SLC17A4: variants seen among roughly 807,000 people sequenced by gnomAD.
SLC17A4 encodes probable small intestine urate exporter.
SLC17A4 carries 33 observed loss-of-function variants against 52.5 expected under a neutral mutation model. That is an observed-to-expected ratio of 0.63 (90% CI 0.48 to 0.84). The LOEUF (loss-of-function observed/expected upper bound fraction) is 0.84. Among genes scored for constraint, SLC17A4 ranks in the 40% least tolerant of loss-of-function variants. The pLI, the probability that SLC17A4 is intolerant of heterozygous loss-of-function variation, is 0.00. For missense variants in SLC17A4, 585 were observed against 597.1 expected (o/e 0.98, Z 0.21); for synonymous variants, 225 against 216.2 (o/e 1.04, Z -0.36).
Position 25,770,370 on chromosome 6 carries a change from A to C in SLC17A4, c.532-14A>C. 1 of 1,614,000 alleles carries C rather than the reference A, an allele frequency of 6.2e-7. No individual in the cohort carries two copies. The highest frequency in any genetic ancestry group is 1.1e-5 in the South Asian group (1 of 91,068). On this transcript the variant is annotated splice_polypyrimidine_tract_variant and intron_variant, in intron 4 of 11. Coordinates refer to ENST00000377905, the MANE Select transcript of SLC17A4 (RefSeq NM_005495.3). Reference sequence around the variant, plus strand: ...ATGACCTCAGATCTCCAAGAATGGAATTTTTCCCCCCAGGTTATGGTATTA... The same window carrying C: ...ATGACCTCAGATCTCCAAGAATGGACTTTTTCCCCCCAGGTTATGGTATTA...
intron 6 of SLC17A4, 147 bp from the exon 7 acceptor site, chr6:25,773,128 C>A (rs1762615824): frequency 5.7e-6 from 4 of 697,688 alleles, no homozygotes; most frequent in Non-Finnish European, 1.0e-5. Context: ...AAGTACCCTC[C>A]CCCATGATAG....
At chr6:25,768,377 A>G in intron 2 of SLC17A4, 2 of 986,988 alleles carry the variant, frequency 2.0e-6, no homozygotes, top group Non-Finnish European at 2.4e-6. Flanking sequence ...AAACTAATGT[A>G]TATGGACTCA....
At chr6:25,760,970 A>G (rs73401761) in intron 1 of SLC17A4, among the ~76,000 whole-genome samples, 2,806 of 152,242 alleles carry the variant, frequency 0.018, 98 homozygotes, top group African/African-American at 0.062. Flanking sequence ...CTTGTTTTGG[A>G]TGGATCACTT....
chr6:25,771,701 A>G (rs10946796), intron 6 of SLC17A4, among the ~76,000 whole-genome samples: 3,157 of 152,300 alleles, frequency 0.021, 70 homozygotes, highest in African/African-American at 0.056. Flanking sequence ...TTTTGCACCA[A>G]TCTAATATCA....
In SLC17A4 at chr6:25,778,029, G is replaced by A. The variant is rs1287638630; in HGVS notation, c.1359+13G>A. Reference sequence around the variant, plus strand: ...TTTCATCAGTCAGGTGAGGTCAAATGTTCTGATGAATATTCATAAAAGAAA... The same window carrying A: ...TTTCATCAGTCAGGTGAGGTCAAATATTCTGATGAATATTCATAAAAGAAA... On this transcript the variant is annotated intron_variant, in intron 11 of 11. Coordinates refer to ENST00000377905, the MANE Select transcript of SLC17A4 (RefSeq NM_005495.3). 1.4e-6 allele frequency: 2 copies of A among 1,473,270 alleles called. No individual in the cohort carries two copies. The highest frequency in any genetic ancestry group is 1.8e-5 in the Admixed American group (1 of 55,952). 91.3% of individuals were successfully genotyped at this position (1,473,270 alleles called of 1,614,324 possible).
chr6:25,760,216 T>A lies in SLC17A4; in HGVS notation c.-36-1711T>A, dbSNP rs576635823. 3.9e-4 allele frequency among the ~76,000 whole-genome samples: 60 copies of A among 152,350 alleles called. 2 individuals carry two copies. The East Asian group carries it at 0.011, about 29-fold the overall frequency. On this transcript the variant is annotated intron_variant, in intron 1 of 11. Transcript: ENST00000377905. ...GCAAAGCGAAGCACATTTTCCCATG[T>A]TTGTTCTTAATCTATATTCATATAT... is the stretch of plus-strand genomic sequence containing the variant.
Position 25,773,387 on chromosome 6 carries a change from T to C in SLC17A4, c.819T>C (p.Ala273=). The C allele has an allele frequency of 2.5e-6, 4 of 1,613,740 alleles. No homozygotes were observed. The highest frequency in any genetic ancestry group is 3.4e-6 in the Non-Finnish European group (4 of 1,179,712). ...GEKRYIVCSL[A]QQDCSPGWSL... is the part of the protein sequence containing the mutation. Reference sequence around the variant, plus strand: ...AGAGATACATTGTGTGTTCATTGGCTCAGCAGGTACATTGAGGAACTCCTC... The same window carrying C: ...AGAGATACATTGTGTGTTCATTGGCCCAGCAGGTACATTGAGGAACTCCTC... Residue 273 remains alanine (A), a synonymous_variant, in exon 7 of 12, where the codon GCT becomes GCC. Transcript: ENST00000377905.
intron 2 of SLC17A4, among the ~76,000 whole-genome samples, chr6:25,766,013 T>C (rs137904985): frequency 8.3e-4 from 126 of 151,874 alleles, no homozygotes; most frequent in African/African-American, 3.0e-3. Context: ...AAATGTATAA[T>C]ATGCTAATTA....
intron 2 of SLC17A4, among the ~76,000 whole-genome samples, chr6:25,767,892 G>T (rs996468320): frequency 2.0e-5 from 3 of 152,122 alleles, no homozygotes; most frequent in African/African-American, 7.2e-5. Context: ...GGGAAAAGCT[G>T]ATGAATATGA....
At chr6:25,770,570 C>A in intron 5 of SLC17A4, 99 bp downstream of exon 5, 1 of 1,074,240 alleles carries the variant, frequency 9.3e-7, no homozygotes, top group Non-Finnish European at 1.4e-6. Flanking sequence ...ATCTCTGTGT[C>A]TTCATAGTCC....
chr6:25,775,055 T>TGTG (rs1762785962), intron 8 of SLC17A4, among the ~76,000 whole-genome samples: 1 of 152,044 alleles, frequency 6.6e-6, no homozygotes, highest in Admixed American at 6.6e-5. Flanking sequence ...GTGGGTCAGG[T>TGTG]GTGGTGGCTC....
At position 25,773,287 on chromosome 6, in the gene SLC17A4, G is replaced by A; in HGVS notation, c.719G>A (p.Cys240Tyr). 6.2e-7 allele frequency: 1 copy of A among 1,613,760 alleles called. No individual in the cohort carries two copies. The highest frequency in any genetic ancestry group is 8.5e-7 in the Non-Finnish European group (1 of 1,179,682). Residue 240 changes from cysteine to tyrosine, a missense_variant, in exon 7 of 12, where the codon TGT becomes TAT. Physicochemically the swap from Cys to Tyr is radical, Grantham distance 194. Transcript: ENST00000377905. ...YVFYIFGGIG[C>Y]ACCPLWFPLI... ...CCCCTTTTCCTAGGAGGAATTGGCT[G>A]TGCTTGTTGTCCTCTCTGGTTTCCT...
At chr6:25,769,247 G>A (rs1428808785) in intron 3 of SLC17A4, 57 bp downstream of exon 3, 8 of 1,472,090 alleles carry the variant, frequency 5.4e-6, no homozygotes, top group East Asian at 4.6e-5. Context: ...GACTTAAAGA[G>A]TTATAAAAGA....
At chr6:25,764,441 TA>T (rs1402249907) in intron 2 of SLC17A4, among the ~76,000 whole-genome samples, 1 of 152,150 alleles carries the variant, frequency 6.6e-6, no homozygotes, top group Non-Finnish European at 1.5e-5. Flanking sequence ...TGGAAATGAA[TA>T]AAACAAGCAC....
chr6:25,775,147 T>C (rs1284831867), intron 8 of SLC17A4, among the ~76,000 whole-genome samples: 1 of 152,018 alleles, frequency 6.6e-6, no homozygotes, highest in Non-Finnish European at 1.5e-5. Context: ...CTGGCCAACA[T>C]GGTGAACCCC....
intron 2 of SLC17A4, among the ~76,000 whole-genome samples, chr6:25,766,458 T>C (rs766658020): frequency 7.2e-5 from 11 of 152,150 alleles, no homozygotes; most frequent in Non-Finnish European, 1.5e-4. Flanking sequence ...GACTGGTGCT[T>C]GTGACTTCTT....
At position 25,777,950 on chromosome 6, in the gene SLC17A4, AT is replaced by A; in HGVS notation, c.1295del (p.Leu432CysfsTer7). The A allele has an allele frequency of 6.2e-7, 1 of 1,613,184 alleles. No individual in the cohort carries two copies. Among genetic ancestry groups the A allele is most frequent in the East Asian group, 2.2e-5 (1 of 44,866 alleles). On this transcript the variant is annotated frameshift_variant, in exon 11 of 12. Coordinates refer to ENST00000377905, the MANE Select transcript of SLC17A4 (RefSeq NM_005495.3). LOFTEE classifies it high-confidence loss of function. ...PRYTGFLKGL[L>X]QVFAHIAGAI... ...GGTACACTGGCTTTCTCAAAGGACT[AT>A]TGCAAGTCTTTGCACACATAGCTGG...
chr6:25,772,058 T>A (rs1034323025), intron 6 of SLC17A4, among the ~76,000 whole-genome samples: 5 of 152,174 alleles, frequency 3.3e-5, no homozygotes, highest in African/African-American at 1.2e-4. Context: ...GACAGGCCTG[T>A]TAGATCAAGG....
chr6:25,764,982 T>G (rs1169760333), intron 2 of SLC17A4, among the ~76,000 whole-genome samples: 1 of 152,084 alleles, frequency 6.6e-6, no homozygotes, highest in East Asian at 1.9e-4. Context: ...CCCTACCTCC[T>G]CCTCCCCACC....
Sources: allele counts gnomAD v4.1 joint callset (sites outside exome capture counted in the v4.1 genomes callset), GRCh38; gene constraint gnomAD v4.1.1; transcripts MANE v1.5; gene names NCBI Gene and HGNC (gene_info 2026-07-23, HGNC 2026-07-21).